The following H4C15 variants were observed in gnomAD, a reference collection of about 807,000 sequenced individuals.
The protein encoded by H4C15 is histone H4.
downstream of H4C15, chr1:149,850,441 C>G (rs1475672536): frequency 8.5e-7 from 1 of 1,179,738 alleles, no homozygotes; most frequent in Non-Finnish European, 1.2e-6. Context: ...CCCTCGGACA[C>G]GGCGTGCTTG....
chr1:149,844,522 ATATTTT>A, the H4C15 span: 3 of 151,548 alleles, frequency 2.0e-5, no homozygotes, highest in African/African-American at 7.3e-5. Flanking sequence ...CAGACTTTAT[ATATTTT>A]TATTAGGATT....
At chr1:149,850,253 A>T, downstream of H4C15, 1 of 1,154,692 alleles carries the variant, frequency 8.7e-7, no homozygotes, top group Non-Finnish European at 1.3e-6. Flanking sequence ...CAAAAACATC[A>T]ACTGGGACTG....
the H4C15 span, chr1:149,847,029 T>C: frequency 3.3e-5 from 5 of 152,232 alleles, no homozygotes; most frequent in Non-Finnish European, 5.9e-5. Context: ...AGGGAGGGTC[T>C]ATTTCCATGC....
At chr1:149,849,342 T>C (rs138445419), downstream of H4C15, among the ~76,000 whole-genome samples, 159 of 152,352 alleles carry the variant, frequency 1.0e-3, no homozygotes, top group Middle Eastern at 6.8e-3. Context: ...CTGATGCTGC[T>C]GGTCTGGAGA....
chr1:149,846,918 G>C, the H4C15 span: 1 of 152,180 alleles, frequency 6.6e-6, no homozygotes, highest in Non-Finnish European at 1.5e-5. Flanking sequence ...AAACTCAATG[G>C]TTTTAAAACA....
At chr1:149,848,242 C>A in the H4C15 span, 2 of 152,142 alleles carry the variant, frequency 1.3e-5, no homozygotes, top group Non-Finnish European at 1.5e-5. Context: ...TCCTAATTGA[C>A]CCTATTTGAC....
At chr1:149,850,751 G>A, downstream of H4C15, 3 of 234,380 alleles carry the variant, frequency 1.3e-5, no homozygotes, top group Non-Finnish European at 7.5e-6. Context: ...GGGAGCCGGC[G>A]CGAACTTTGC....
chr1:149,850,463 G>A (rs781799106), downstream of H4C15: 8 of 1,023,454 alleles, frequency 7.8e-6, no homozygotes, highest in Non-Finnish European at 1.0e-5. Context: ...CCAGCTCGCC[G>A]GGCAGCAGCA....
downstream of H4C15, chr1:149,850,256 TG>T: frequency 8.5e-7 from 1 of 1,178,494 alleles, no homozygotes; most frequent in African/African-American, 1.5e-5. Context: ...AAACATCAAC[TG>T]GGACTGACAA....
downstream of H4C15, chr1:149,850,155 G>C (rs1553757555): frequency 1.7e-6 from 1 of 603,542 alleles, no homozygotes; most frequent in Non-Finnish European, 2.9e-6. Context: ...ATCTATGTAA[G>C]CTTACTTATA....
chr1:149,846,511 A>G, the H4C15 span: 1 of 152,364 alleles, frequency 6.6e-6, no homozygotes, highest in East Asian at 1.9e-4. Context: ...TACAATTTTT[A>G]AAGTATTTCC....
chr1:149,850,579 G>C (rs1442727633), downstream of H4C15: 23 of 635,340 alleles, frequency 3.6e-5, no homozygotes, highest in South Asian at 5.6e-5. Flanking sequence ...CGTTGAGGAA[G>C]GAGTTCATGA....
At chr1:149,849,382 C>A (rs1473326527), downstream of H4C15, among the ~76,000 whole-genome samples, 3 of 152,140 alleles carry the variant, frequency 2.0e-5, no homozygotes, top group East Asian at 5.8e-4. Context: ...TGTTCCAGCC[C>A]ACAACACTGC....
chr1:149,850,537 G>A, downstream of H4C15: 2 of 774,866 alleles, frequency 2.6e-6, no homozygotes, highest in Non-Finnish European at 4.1e-6. Context: ...GCGCCAGGCG[G>A]GACGCCTCTC....
chr1:149,846,160 C>G, the H4C15 span: 8 of 151,960 alleles, frequency 5.3e-5, no homozygotes, highest in Non-Finnish European at 1.5e-5. Flanking sequence ...CACACTCACT[C>G]CCCCCCGCCA....
chr1:149,850,289 G>C (rs782706618), downstream of H4C15: 3 of 1,386,922 alleles, frequency 2.2e-6, no homozygotes, highest in Non-Finnish European at 2.0e-6. Flanking sequence ...TTCTTTAACT[G>C]AGGTGGTTAA....
At chr1:149,845,822 G>C in the H4C15 span, 49 of 152,312 alleles carry the variant, frequency 3.2e-4, no homozygotes, top group African/African-American at 1.2e-3. Context: ...AGTATAGGCT[G>C]ACTGAAAGAG....
At chr1:149,848,393 G>T in the H4C15 span, 1 of 152,200 alleles carries the variant, frequency 6.6e-6, no homozygotes, top group Non-Finnish European at 1.5e-5. Flanking sequence ...GGGATCCAAG[G>T]TTGGCTGAAC....
chr1:149,850,472 C>T (rs782744110), downstream of H4C15: 1 of 931,402 alleles, frequency 1.1e-6, no homozygotes, highest in Non-Finnish European at 1.7e-6. Flanking sequence ...CGGGCAGCAG[C>T]AGGCGCACGG....
Sources: allele counts gnomAD v4.1 joint callset (sites outside exome capture counted in the v4.1 genomes callset), GRCh38; gene constraint gnomAD v4.1.1; transcripts MANE v1.5; gene names NCBI Gene and HGNC (gene_info 2026-07-23, HGNC 2026-07-21).